Variants in CIMAP1D observed in about 807,000 individuals in gnomAD.
CIMAP1D encodes CIMAP1 family member D.
the CIMAP1D span, among the ~76,000 whole-genome samples, chr19:491,368 G>A: frequency 5.2e-4 from 79 of 152,286 alleles, no homozygotes; most frequent in Non-Finnish European, 9.4e-4. Context: ...CAAACCCGGC[G>A]AGGGCGGTTC....
the CIMAP1D span, chr19:464,102 C>A: frequency 5.4e-6 from 8 of 1,488,274 alleles, no homozygotes; most frequent in South Asian, 1.2e-5. Context: ...CGTACTGGCC[C>A]GGGCCTGGTA....
the CIMAP1D span, among the ~76,000 whole-genome samples, chr19:488,953 G>A: frequency 6.6e-6 from 1 of 152,000 alleles, no homozygotes; most frequent in Non-Finnish European, 1.5e-5. Context: ...CCGCCAGGGC[G>A]TCCGCGCCGC....
the CIMAP1D span, among the ~76,000 whole-genome samples, chr19:487,214 C>T: frequency 7.2e-5 from 11 of 151,996 alleles, no homozygotes; most frequent in Non-Finnish European, 1.6e-4. Context: ...AAGTTCGCGG[C>T]GATCTGTGAG....
chr19:464,723 G>A, the CIMAP1D span, among the ~76,000 whole-genome samples: 3 of 152,138 alleles, frequency 2.0e-5, no homozygotes, highest in Non-Finnish European at 4.4e-5. Context: ...GCATCTAACT[G>A]CCCCACCAGA....
the CIMAP1D span, among the ~76,000 whole-genome samples, chr19:467,953 C>G: frequency 6.6e-6 from 1 of 152,208 alleles, no homozygotes; most frequent in Non-Finnish European, 1.5e-5. Flanking sequence ...GGTCTCTGCT[C>G]TGACTCTGTC....
chr19:464,090 G>T, the CIMAP1D span: 2 of 1,413,950 alleles, frequency 1.4e-6, no homozygotes, highest in Non-Finnish European at 1.9e-6. Context: ...CGTCCGGGCT[G>T]TCGTACTGGC....
chr19:484,631 C>T, the CIMAP1D span, among the ~76,000 whole-genome samples: 1 of 152,312 alleles, frequency 6.6e-6, no homozygotes, highest in East Asian at 1.9e-4. Context: ...CCCAGCTGTG[C>T]AGACATCTAC....
chr19:467,746 G>A, the CIMAP1D span: 1 of 1,601,946 alleles, frequency 6.2e-7, no homozygotes, highest in Non-Finnish European at 8.5e-7. Flanking sequence ...GGCCCGGGCT[G>A]GTGTCCTGAG....
chr19:481,029 GA>G, the CIMAP1D span, among the ~76,000 whole-genome samples: 1 of 146,658 alleles, frequency 6.8e-6, no homozygotes, highest in Non-Finnish European at 1.5e-5. Flanking sequence ...GATGGAGAAG[GA>G]ATGTGGGAAG....
chr19:472,185 C>G, the CIMAP1D span, among the ~76,000 whole-genome samples: 2 of 152,208 alleles, frequency 1.3e-5, no homozygotes, highest in African/African-American at 2.4e-5. Flanking sequence ...CTTCCATTCT[C>G]ATTATCAATG....
At chr19:484,335 T>C in the CIMAP1D span, among the ~76,000 whole-genome samples, 1 of 152,078 alleles carries the variant, frequency 6.6e-6, no homozygotes. Context: ...GAGACGGGGT[T>C]TCTCCATGTT....
At chr19:486,541 G>A in the CIMAP1D span, among the ~76,000 whole-genome samples, 1 of 151,906 alleles carries the variant, frequency 6.6e-6, no homozygotes, top group African/African-American at 2.4e-5. Flanking sequence ...GGTGGGTTCA[G>A]GCGATTCTCC....
the CIMAP1D span, among the ~76,000 whole-genome samples, chr19:481,250 A>G: frequency 1.5e-5 from 2 of 130,800 alleles, no homozygotes; most frequent in Admixed American, 7.6e-5. Context: ...GGATGATGGG[A>G]AGGATGATGG....
the CIMAP1D span, among the ~76,000 whole-genome samples, chr19:478,390 C>A: frequency 1.4e-4 from 22 of 152,374 alleles, no homozygotes; most frequent in South Asian, 4.3e-3. Flanking sequence ...GCCTCCGTTT[C>A]CCCATTTTAC....
chr19:480,116 C>T, the CIMAP1D span, among the ~76,000 whole-genome samples: 1 of 152,238 alleles, frequency 6.6e-6, no homozygotes, highest in Non-Finnish European at 1.5e-5. Flanking sequence ...AGAAGCCGAA[C>T]TCGGGAGGCG....
chr19:481,127 A>G, the CIMAP1D span, among the ~76,000 whole-genome samples: 1 of 101,446 alleles, frequency 9.9e-6, no homozygotes, highest in Non-Finnish European at 1.9e-5. Context: ...GAATGTGGGA[A>G]GGATGATGGG....
At chr19:480,067 G>A in the CIMAP1D span, among the ~76,000 whole-genome samples, 1 of 152,248 alleles carries the variant, frequency 6.6e-6, no homozygotes, top group South Asian at 2.1e-4. Flanking sequence ...GAGGTCGGGA[G>A]CCTCGCGGAG....
chr19:471,751 T>C, the CIMAP1D span, among the ~76,000 whole-genome samples: 1 of 148,930 alleles, frequency 6.7e-6, no homozygotes, highest in Non-Finnish European at 1.5e-5. Flanking sequence ...TTTTTTTTTT[T>C]TTCTTTTTAG....
At chr19:479,167 C>G in the CIMAP1D span, among the ~76,000 whole-genome samples, 4 of 152,108 alleles carry the variant, frequency 2.6e-5, no homozygotes, top group Admixed American at 1.3e-4. Flanking sequence ...CTGCGTCTGC[C>G]GTGCAGAAGG....
Sources: gnomAD v4.1 joint callset for allele counts (sites outside exome capture counted in the v4.1 genomes callset) on GRCh38, gnomAD v4.1.1 for gene constraint, MANE v1.5 for transcripts, NCBI Gene and HGNC (gene_info 2026-07-23, HGNC 2026-07-21) for gene names.